The following CYLC2 variants were observed in gnomAD, a reference collection of about 807,000 sequenced individuals.
CYLC2 encodes cylicin-2.
CYLC2 carries 30 observed loss-of-function variants against 26.1 expected under a neutral mutation model. The ratio of observed to expected loss-of-function variants is 1.15; its 90% confidence interval spans 0.86 to 1.56. The LOEUF (loss-of-function observed/expected upper bound fraction) is 1.56, where lower values mean the gene tolerates loss of function less well. Among genes scored for constraint, CYLC2 ranks in the 40% most tolerant of loss-of-function variants. The pLI, the probability that CYLC2 is intolerant of heterozygous loss-of-function variation, is 0.00. For missense variants in CYLC2, 498 were observed against 394.4 expected (o/e 1.26, Z -2.23); for synonymous variants, 158 against 132.8 (o/e 1.19, Z -1.31).
chr9:103,013,731 T>C (rs1211016898), intron 6 of CYLC2, among the ~76,000 whole-genome samples: 1 of 111,668 alleles, frequency 9.0e-6, no homozygotes, highest in Non-Finnish European at 1.6e-5. Context: ...ATGCATTTTA[T>C]ATATAATTAT....
In CYLC2 at chr9:102,995,362, C is replaced by A. The variant is rs1426935581; in HGVS notation, c.-19C>A. ...TGAACTTACAATACTTAAGTCCTGG[C>A]AAGTCATAAGTGGGGAAAATGTCTC... On this transcript the variant is annotated 5_prime_UTR_variant, in exon 1 of 8. Transcript: ENST00000374798. The A allele has an allele frequency of 6.2e-7, 1 of 1,600,416 alleles. No individual in the cohort carries two copies. Among genetic ancestry groups the A allele is most frequent in the Non-Finnish European group, 8.6e-7 (1 of 1,168,478 alleles).
chr9:103,001,497 G>T, intron 1 of CYLC2, 81 bp from the exon 2 acceptor site: 2 of 770,734 alleles, frequency 2.6e-6, no homozygotes, highest in East Asian at 2.7e-5. Context: ...GTTGGTTGCA[G>T]GTACTGGAGT....
At chr9:103,017,906 T>A (rs1829523533) in intron 7 of CYLC2, among the ~76,000 whole-genome samples, 1 of 151,856 alleles carries the variant, frequency 6.6e-6, no homozygotes, top group South Asian at 2.1e-4. Context: ...ATCTGTGTTC[T>A]AATCTCTTGT....
At chr9:103,017,581 A>C (rs1430099384) in intron 7 of CYLC2, among the ~76,000 whole-genome samples, 1 of 152,048 alleles carries the variant, frequency 6.6e-6, no homozygotes, top group East Asian at 1.9e-4. Context: ...CCTACATGTT[A>C]ACATATTCAC....
In CYLC2 at chr9:103,006,227, T is replaced by G. The variant is rs1455991635; in HGVS notation, c.*549T>G. On this transcript the variant is annotated 3_prime_UTR_variant, in exon 5 of 8. Coordinates refer to ENST00000374798, the MANE Select transcript of CYLC2 (RefSeq NM_001340.5). ...GCCTACTTTCAAGTAAATATAGCAT[T>G]CCTTTGGCAAAAAGAAAAAAAAAGT... The G allele has an allele frequency of 6.6e-6, 1 of 151,078 alleles. No individual in the cohort carries two copies. Among genetic ancestry groups the G allele is most frequent in the African/African-American group, 2.4e-5 (1 of 41,074 alleles). The allele number at this position is 151,078 out of a possible 1,614,324, so 9.4% of individuals were successfully genotyped here. A position where few individuals can be genotyped will look rare whatever the true frequency, so the allele number is the denominator to read the frequency against.
At position 103,013,836 on chromosome 9, in the gene CYLC2, T is replaced by C. The variant is rs939738748; in HGVS notation, c.*816+1739T>C. Among the ~76,000 whole-genome samples, 481 of 93,226 alleles carry C rather than the reference T, an allele frequency of 5.2e-3. 5 individuals carry two copies. Among genetic ancestry groups the C allele is most frequent in the African/African-American group, 0.018 (449 of 24,594 alleles). The allele number at this position is 93,226 out of a possible 152,430, so 61.2% of individuals were successfully genotyped here. A position where few individuals can be genotyped will look rare whatever the true frequency, so the allele number is the denominator to read the frequency against. ...ATGTATATAATATGTATATAATATA[T>C]AATAAAGATAATACAATGTATTATA... On this transcript the variant is annotated intron_variant, in intron 6 of 7. Transcript: ENST00000374798.
chr9:103,006,797 A>G (rs1829356396), intron 5 of CYLC2, among the ~76,000 whole-genome samples: 1 of 152,166 alleles, frequency 6.6e-6, no homozygotes, highest in Non-Finnish European at 1.5e-5. Context: ...ATAATAATTG[A>G]ACCAAATTAT....
chr9:103,003,325 C>A lies in CYLC2; in HGVS notation c.180+62C>A, dbSNP rs1829307888. The A allele has an allele frequency of 4.3e-6, 6 of 1,394,978 alleles. No individual in the cohort carries two copies. The South Asian group carries it at 5.1e-5, about 12-fold the overall frequency. The allele number at this position is 1,394,978 out of a possible 1,614,324, so 86.4% of individuals were successfully genotyped here. A position where few individuals can be genotyped will look rare whatever the true frequency, so the allele number is the denominator to read the frequency against. On this transcript the variant is annotated intron_variant, in intron 3 of 7. Transcript: ENST00000374798. ...AGTAATAACTTAGTAATAATTATAA[C>A]CATAATAAGTAATTATAATTAGTCT... is the stretch of plus-strand genomic sequence containing the variant.
chr9:103,002,531 T>C (rs1321974294), intron 2 of CYLC2, among the ~76,000 whole-genome samples: 1 of 151,700 alleles, frequency 6.6e-6, no homozygotes, highest in Admixed American at 6.6e-5. Context: ...ACACCTGGTT[T>C]TTAGTAGAGA....
chr9:102,998,512 G>C (rs1211663398), intron 1 of CYLC2, among the ~76,000 whole-genome samples: 1 of 151,900 alleles, frequency 6.6e-6, no homozygotes, highest in East Asian at 1.9e-4. Context: ...CACCAGCAAA[G>C]CCAGACTTAA....
intron 6 of CYLC2, among the ~76,000 whole-genome samples, chr9:103,013,116 A>ATATC (rs1259215016): frequency 5.4e-5 from 6 of 111,398 alleles, no homozygotes; most frequent in African/African-American, 9.6e-5. Context: ...TATCATAAAT[A>ATATC]ATATAAAAAT....
At chr9:102,997,464 C>A (rs1338669019) in intron 1 of CYLC2, among the ~76,000 whole-genome samples, 1 of 151,954 alleles carries the variant, frequency 6.6e-6, no homozygotes, top group Non-Finnish European at 1.5e-5. Context: ...AGCCATTCCT[C>A]AGCAAGACAG....
intron 6 of CYLC2, among the ~76,000 whole-genome samples, chr9:103,015,393 A>ATTAAATATATATAT (rs1554713901): frequency 2.3e-5 from 3 of 128,570 alleles, no homozygotes; most frequent in African/African-American, 8.6e-5. Flanking sequence ...TTAAATATAT[A>ATTAAATATATATAT]TATATGCTTA....
rs184823256 is a variant in CYLC2, at chr9:103,014,284, G to A, written c.*816+2187G>A. ...TATATTACATTAAATATATTACATA[G>A]TATACATAATATTACATATATATTA... On this transcript the variant is annotated intron_variant, in intron 6 of 7. Transcript: ENST00000374798. Among the ~76,000 whole-genome samples the A allele has an allele frequency of 0.011, 1,357 of 126,828 alleles. 90 individuals carry two copies. The East Asian group carries it at 0.21, about 19-fold the overall frequency. 83.2% of individuals were successfully genotyped at this position (126,828 alleles called of 152,430 possible). A position where few individuals can be genotyped will look rare whatever the true frequency, so the allele number is the denominator to read the frequency against.
At chr9:103,014,252 C>T (rs1378463410) in intron 6 of CYLC2, among the ~76,000 whole-genome samples, 1 of 120,812 alleles carries the variant, frequency 8.3e-6, no homozygotes, top group Admixed American at 9.4e-5. Flanking sequence ...TAATATATAT[C>T]ACATAATATA....
chr9:103,013,156 T>TATAGATTATATAAATATATATTTA (rs1829428154), intron 6 of CYLC2, among the ~76,000 whole-genome samples: 1 of 111,244 alleles, frequency 9.0e-6, no homozygotes, highest in Admixed American at 1.2e-4. Flanking sequence ...CATATATAAA[T>TATAGATTATATAAATATATATTTA]ATATATTATA....
At position 103,008,540 on chromosome 9, in the gene CYLC2, A is replaced by G. The variant is rs1049478401; in HGVS notation, c.*700+2162A>G. ...AGGTATCTCAAAATTAACAAATCCCAAAGAGAACTGTTGACATCCCTCCAG... is the reference window on the plus strand; with the variant it reads ...AGGTATCTCAAAATTAACAAATCCCGAAGAGAACTGTTGACATCCCTCCAG... On this transcript the variant is annotated intron_variant, in intron 5 of 7. Coordinates refer to ENST00000374798, the MANE Select transcript of CYLC2 (RefSeq NM_001340.5). Among the ~76,000 whole-genome samples, 3 of 152,016 alleles carry G rather than the reference A, an allele frequency of 2.0e-5. No individual in the cohort carries two copies. In the East Asian group the frequency reaches 5.8e-4, roughly 29 times the overall value.
chr9:103,001,029 G>A (rs963728906), intron 1 of CYLC2, among the ~76,000 whole-genome samples: 6 of 151,650 alleles, frequency 4.0e-5, no homozygotes, highest in Admixed American at 1.3e-4. Flanking sequence ...GAATTTTTGT[G>A]GTCCACACTG....
intron 5 of CYLC2, among the ~76,000 whole-genome samples, chr9:103,010,419 T>A (rs1310416206): frequency 6.6e-6 from 1 of 152,122 alleles, no homozygotes; most frequent in East Asian, 1.9e-4. Context: ...CCTCGTATTA[T>A]CACTTAATCC....
Sources: allele counts gnomAD v4.1 joint callset (sites outside exome capture counted in the v4.1 genomes callset), GRCh38; gene constraint gnomAD v4.1.1; transcripts MANE v1.5; gene names NCBI Gene and HGNC (gene_info 2026-07-23, HGNC 2026-07-21).